The following NMNAT3 variants were observed in gnomAD, a reference collection of about 807,000 sequenced individuals.
NMNAT3 encodes the protein nicotinamide/nicotinic acid mononucleotide adenylyltransferase 3.
Under a neutral mutation model 24.8 loss-of-function variants are expected in NMNAT3, and 21 were observed. The observed-to-expected ratio is 0.85, with a 90% confidence interval of 0.60 to 1.22. The LOEUF is 1.22. Ranked by LOEUF, NMNAT3 falls within the 50% of genes most tolerant of loss-of-function variation. The pLI is 0.00. For synonymous variants in NMNAT3, 136 were observed against 155.2 expected, an observed-to-expected ratio of 0.88 and a Z score of 0.92; for missense variants, 387 against 436.6, an observed-to-expected ratio of 0.89 and a Z score of 1.01.
chr3:139,621,363 C>T (rs1194280567), intron 3 of NMNAT3, among the ~76,000 whole-genome samples: 1 of 152,112 alleles, frequency 6.6e-6, no homozygotes, highest in Non-Finnish European at 1.5e-5. Flanking sequence ...CAGTTTTTCA[C>T]TGGGTTATTA....
chr3:139,563,297 G>T (rs1936696598), intron 6 of NMNAT3, among the ~76,000 whole-genome samples: 1 of 152,180 alleles, frequency 6.6e-6, no homozygotes, highest in Non-Finnish European at 1.5e-5. Context: ...GTAGTATAAA[G>T]GAGAACAGTG....
At chr3:139,596,526 T>C (rs1269245170) in intron 3 of NMNAT3, among the ~76,000 whole-genome samples, 1 of 152,128 alleles carries the variant, frequency 6.6e-6, no homozygotes, top group East Asian at 1.9e-4. Context: ...TATTATCTTT[T>C]TATATAGAGT....
At chr3:139,635,266 A>T (rs1381481010) in intron 2 of NMNAT3, 1 of 152,210 alleles carries the variant, frequency 6.6e-6, no homozygotes, top group Non-Finnish European at 1.5e-5. Context: ...CCTATTAGGC[A>T]GCTTGCTCAG....
At chr3:139,588,637 C>T (rs1228619100) in intron 3 of NMNAT3, among the ~76,000 whole-genome samples, 1 of 152,042 alleles carries the variant, frequency 6.6e-6, no homozygotes, top group Non-Finnish European at 1.5e-5. Context: ...GGTGGGGGTG[C>T]CAGAGGGCCT....
intron 1 of NMNAT3, among the ~76,000 whole-genome samples, chr3:139,648,387 G>C (rs1231119431): frequency 6.6e-6 from 1 of 152,332 alleles, no homozygotes. Flanking sequence ...AAAATGGACT[G>C]ATATATGTAG....
intron 3 of NMNAT3, among the ~76,000 whole-genome samples, chr3:139,589,166 C>T (rs2054065590): frequency 6.6e-6 from 1 of 152,092 alleles, no homozygotes; most frequent in South Asian, 2.1e-4. Flanking sequence ...GAATTGTATG[C>T]AGGAATTGTA....
chr3:139,613,894 C>A (rs1447115922), intron 3 of NMNAT3, among the ~76,000 whole-genome samples: 3 of 152,058 alleles, frequency 2.0e-5, no homozygotes, highest in Admixed American at 6.6e-5. Context: ...GACAAAAAAA[C>A]CAAACACCCG....
At chr3:139,645,970 A>G (rs1227391901) in intron 1 of NMNAT3, among the ~76,000 whole-genome samples, 1 of 152,208 alleles carries the variant, frequency 6.6e-6, no homozygotes, top group Non-Finnish European at 1.5e-5. Context: ...AGAGAATATA[A>G]ATGAGTTAAA....
At chr3:139,663,742 C>G (rs1339078659) in intron 1 of NMNAT3, among the ~76,000 whole-genome samples, 1 of 152,218 alleles carries the variant, frequency 6.6e-6, no homozygotes, top group Non-Finnish European at 1.5e-5. Flanking sequence ...TCAGGACCTA[C>G]TGAGCCCTCA....
chr3:139,573,881 T>C (rs905583679), intron 5 of NMNAT3, among the ~76,000 whole-genome samples: 2 of 152,152 alleles, frequency 1.3e-5, no homozygotes, highest in East Asian at 3.9e-4. Flanking sequence ...GAGAGTCCTG[T>C]CCAAGACAGT....
At chr3:139,656,345 TC>T (rs11335759) in intron 1 of NMNAT3, among the ~76,000 whole-genome samples, 3,391 of 152,302 alleles carry the variant, frequency 0.022, 112 homozygotes, top group African/African-American at 0.075. Context: ...TGGCTTCATT[TC>T]TAAAGTGCAG....
At chr3:139,641,351 G>A (rs1417472893) in intron 1 of NMNAT3, among the ~76,000 whole-genome samples, 1 of 152,186 alleles carries the variant, frequency 6.6e-6, no homozygotes, top group Non-Finnish European at 1.5e-5. Context: ...GCTATGCTAC[G>A]TCTTAGCTGA....
intron 3 of NMNAT3, among the ~76,000 whole-genome samples, chr3:139,619,290 T>C (rs977479564): frequency 4.6e-5 from 7 of 152,144 alleles, no homozygotes; most frequent in Non-Finnish European, 7.3e-5. Flanking sequence ...GAAGAGTCCA[T>C]TCTGAACTCT....
At chr3:139,628,813 T>C (rs2056167048) in intron 2 of NMNAT3, among the ~76,000 whole-genome samples, 1 of 152,234 alleles carries the variant, frequency 6.6e-6, no homozygotes, top group African/African-American at 2.4e-5. Context: ...ATGGGGATAA[T>C]GTTACTTACT....
chr3:139,564,958 G>GT (rs988803095), intron 6 of NMNAT3, among the ~76,000 whole-genome samples: 2 of 152,172 alleles, frequency 1.3e-5, no homozygotes, highest in African/African-American at 4.8e-5. Flanking sequence ...AGTTTTTAGT[G>GT]TATTTCCTTA....
At chr3:139,580,953 A>G (rs1311417052) in intron 4 of NMNAT3, among the ~76,000 whole-genome samples, 1 of 152,248 alleles carries the variant, frequency 6.6e-6, no homozygotes, top group East Asian at 1.9e-4. Flanking sequence ...CATACAATTT[A>G]TCAGCTAAAA....
chr3:139,580,181 T>C (rs1939965256), intron 4 of NMNAT3, among the ~76,000 whole-genome samples: 2 of 151,830 alleles, frequency 1.3e-5, no homozygotes, highest in South Asian at 4.1e-4. Flanking sequence ...TGAAATAACT[T>C]TCTTTTTGAG....
At chr3:139,675,471 G>A (rs1430526243) in intron 1 of NMNAT3, among the ~76,000 whole-genome samples, 2 of 152,110 alleles carry the variant, frequency 1.3e-5, no homozygotes, top group African/African-American at 4.8e-5. Flanking sequence ...CTTTTGCTAC[G>A]CTTTCTTTGG....
At chr3:139,652,563 T>C (rs1304982820) in intron 1 of NMNAT3, among the ~76,000 whole-genome samples, 3 of 152,102 alleles carry the variant, frequency 2.0e-5, no homozygotes, top group Non-Finnish European at 4.4e-5. Context: ...GACCTGGGTA[T>C]GAGCAAGAGC....
Sources: gnomAD v4.1 joint callset for allele counts (sites outside exome capture counted in the v4.1 genomes callset) on GRCh38, gnomAD v4.1.1 for gene constraint, MANE v1.5 for transcripts, NCBI Gene and HGNC (gene_info 2026-07-23, HGNC 2026-07-21) for gene names.